ZMAT4: variants seen among roughly 807,000 people sequenced by gnomAD.
ZMAT4 encodes zinc finger matrin-type protein 4.
In ZMAT4, 17 loss-of-function variants were observed where a neutral mutation model predicts 28.7. That is an observed-to-expected ratio of 0.59 (90% CI 0.41 to 0.89). The LOEUF is 0.89. Ranked by LOEUF, ZMAT4 falls within the 40% of genes least tolerant of loss-of-function variation. The probability of loss-of-function intolerance (pLI) is 0.00; values close to 1 mark genes in which losing one functional copy is unlikely to be tolerated. For synonymous variants in ZMAT4, 117 were observed against 109.2 expected, an observed-to-expected ratio of 1.07 and a Z score of -0.44; for missense variants, 240 against 283.8, an observed-to-expected ratio of 0.85 and a Z score of 1.11.
At chr8:40,866,548 A>G (rs1029533964) in intron 1 of ZMAT4, among the ~76,000 whole-genome samples, 5 of 152,190 alleles carry the variant, frequency 3.3e-5, no homozygotes, top group Non-Finnish European at 1.5e-5. Context: ...TTGGTGTTTT[A>G]TAGATTACTG....
At chr8:40,661,834 C>T (rs6474265) in intron 5 of ZMAT4, among the ~76,000 whole-genome samples, 27,063 of 152,122 alleles carry the variant, frequency 0.18, 2,825 homozygotes, top group African/African-American at 0.3. Flanking sequence ...TTAAACTAAA[C>T]AATAGAGATA....
At chr8:40,855,036 A>G (rs2150638843) in intron 1 of ZMAT4, among the ~76,000 whole-genome samples, 1 of 152,304 alleles carries the variant, frequency 6.6e-6, no homozygotes. Context: ...CCAAATGCAT[A>G]CTGTACACCA....
chr8:40,750,097 T>C (rs1017580899), intron 3 of ZMAT4, among the ~76,000 whole-genome samples: 3 of 152,188 alleles, frequency 2.0e-5, no homozygotes, highest in Non-Finnish European at 4.4e-5. Flanking sequence ...TCAGGAGACA[T>C]TCATCATTGT....
At chr8:40,842,287 G>T (rs868326558) in intron 1 of ZMAT4, among the ~76,000 whole-genome samples, 1 of 152,202 alleles carries the variant, frequency 6.6e-6, no homozygotes, top group Non-Finnish European at 1.5e-5. Flanking sequence ...CAGTGAACTT[G>T]CAGAAACAGG....
At chr8:40,836,432 G>A (rs578172195) in intron 1 of ZMAT4, among the ~76,000 whole-genome samples, 15 of 152,258 alleles carry the variant, frequency 9.9e-5, no homozygotes, top group East Asian at 3.9e-4. Context: ...TCTTGCTCAC[G>A]TACAACACAA....
chr8:40,627,538 T>G (rs1048386853), intron 5 of ZMAT4, among the ~76,000 whole-genome samples: 17 of 152,202 alleles, frequency 1.1e-4, no homozygotes, highest in African/African-American at 3.9e-4. Flanking sequence ...TCAATAACAT[T>G]TATTAACAAT....
Position 40,866,734 on chromosome 8 carries a change from C to T in ZMAT4, c.-5+30949G>A, listed in dbSNP as rs1267072265. Among the ~76,000 whole-genome samples the T allele has an allele frequency of 2.0e-5, 3 of 152,300 alleles. No individual in the cohort carries two copies. In the East Asian group the frequency reaches 5.8e-4, roughly 29 times the overall value. ...CTCTGGTGTGTAAATAGCTGGCAAG[C>T]ACCCGGGGAGTCCTCGAGTAAGAAA... On this transcript the variant is annotated intron_variant, in intron 1 of 6. Transcript: ENST00000297737.
chr8:40,821,440 C>T (rs1396524838), intron 2 of ZMAT4, among the ~76,000 whole-genome samples: 2 of 151,532 alleles, frequency 1.3e-5, no homozygotes, highest in African/African-American at 4.9e-5. Flanking sequence ...TAACGCTTAG[C>T]AAGAAAAATA....
chr8:40,644,710 C>T (rs926791588), intron 5 of ZMAT4, among the ~76,000 whole-genome samples: 1 of 152,078 alleles, frequency 6.6e-6, no homozygotes, highest in Non-Finnish European at 1.5e-5. Context: ...TGAATTCCTT[C>T]CAAAGAGTAC....
chr8:40,593,599 C>A (rs1194186598), intron 5 of ZMAT4, among the ~76,000 whole-genome samples: 1 of 152,198 alleles, frequency 6.6e-6, no homozygotes, highest in African/African-American at 2.4e-5. Context: ...TCTTCACCAA[C>A]CTCCACTTTA....
intron 5 of ZMAT4, among the ~76,000 whole-genome samples, chr8:40,636,298 C>T (rs1289297912): frequency 6.6e-6 from 1 of 152,164 alleles, no homozygotes; most frequent in Non-Finnish European, 1.5e-5. Context: ...AAACTGACTT[C>T]GCTGAGCAGT....
chr8:40,621,231 G>A (rs566469391), intron 5 of ZMAT4, among the ~76,000 whole-genome samples: 1 of 152,188 alleles, frequency 6.6e-6, no homozygotes, highest in South Asian at 2.1e-4. Flanking sequence ...AAACAGGCCA[G>A]CACACAACAG....
chr8:40,786,625 A>G (rs1156994103), intron 2 of ZMAT4: 4 of 1,153,648 alleles, frequency 3.5e-6, no homozygotes, highest in Non-Finnish European at 4.5e-6. Flanking sequence ...AAATCTCAGC[A>G]TCTCCTTCTG....
At chr8:40,779,761 C>T (rs927518058) in intron 2 of ZMAT4, among the ~76,000 whole-genome samples, 8 of 152,186 alleles carry the variant, frequency 5.3e-5, no homozygotes, top group African/African-American at 1.9e-4. Flanking sequence ...CCATCTCTCC[C>T]TGGTGGCTGC....
At chr8:40,651,920 C>A (rs1807678899) in intron 5 of ZMAT4, among the ~76,000 whole-genome samples, 1 of 124,360 alleles carries the variant, frequency 8.0e-6, no homozygotes, top group East Asian at 2.4e-4. Flanking sequence ...ACACCTTATA[C>A]AAAAATCAAT....
chr8:40,872,545 G>C (rs1817898589), intron 1 of ZMAT4, among the ~76,000 whole-genome samples: 1 of 152,206 alleles, frequency 6.6e-6, no homozygotes, highest in Admixed American at 6.5e-5. Context: ...GCCTTAGTGA[G>C]CTGTTGGGGG....
At chr8:40,812,789 G>T (rs1337691539) in intron 2 of ZMAT4, among the ~76,000 whole-genome samples, 1 of 151,940 alleles carries the variant, frequency 6.6e-6, no homozygotes, top group Non-Finnish European at 1.5e-5. Context: ...AAAATTAGCT[G>T]GGCGTGGTGG....
intron 5 of ZMAT4, among the ~76,000 whole-genome samples, chr8:40,660,748 TAAG>T (rs1808152183): frequency 6.6e-6 from 1 of 152,194 alleles, no homozygotes; most frequent in Non-Finnish European, 1.5e-5. Context: ...AACATTTACA[TAAG>T]ATGATAATGG....
intron 5 of ZMAT4, among the ~76,000 whole-genome samples, chr8:40,600,992 G>A (rs1256181656): frequency 6.6e-6 from 1 of 152,138 alleles, no homozygotes; most frequent in African/African-American, 2.4e-5. Context: ...TAGACTGATA[G>A]CAAGCAGTAT....
Sources: allele counts gnomAD v4.1 joint callset (sites outside exome capture counted in the v4.1 genomes callset), GRCh38; gene constraint gnomAD v4.1.1; transcripts MANE v1.5; gene names NCBI Gene and HGNC (gene_info 2026-07-23, HGNC 2026-07-21).